CD226: variants seen among roughly 807,000 people sequenced by gnomAD.
The protein encoded by CD226 is CD226 molecule, also known as CD226 antigen.
CD226 carries 24 observed loss-of-function variants against 34.9 expected under a neutral mutation model. That is an observed-to-expected ratio of 0.69 (90% confidence interval 0.50 to 0.97). The LOEUF (loss-of-function observed/expected upper bound fraction) is 0.97, where lower values mean the gene tolerates loss of function less well. Ranked by LOEUF, CD226 falls within the 50% of genes least tolerant of loss-of-function variation. The probability of loss-of-function intolerance (pLI) is 0.00; values close to 1 mark genes in which losing one functional copy is unlikely to be tolerated. For synonymous variants in CD226, 148 were observed against 147.4 expected, an observed-to-expected ratio of 1.00 and a Z score of -0.03; for missense variants, 397 against 412.7, an observed-to-expected ratio of 0.96 and a Z score of 0.33.
At chr18:69,897,010 T>C (rs936959400) in intron 2 of CD226, among the ~76,000 whole-genome samples, 5 of 152,158 alleles carry the variant, frequency 3.3e-5, no homozygotes, top group African/African-American at 4.8e-5. Context: ...TAGAGTGTGT[T>C]TGGGGGCCCT....
chr18:69,916,781 C>T (rs1298394257), intron 2 of CD226, among the ~76,000 whole-genome samples: 1 of 152,204 alleles, frequency 6.6e-6, no homozygotes, highest in African/African-American at 2.4e-5. Context: ...ACCCAATGGG[C>T]ACTCATTATA....
At chr18:69,872,510 T>C (rs1218844451) in intron 4 of CD226, among the ~76,000 whole-genome samples, 1 of 152,206 alleles carries the variant, frequency 6.6e-6, no homozygotes, top group East Asian at 1.9e-4. Flanking sequence ...CTCAGCCTCC[T>C]GAGTAGCTGG....
At position 69,883,483 on chromosome 18, in the gene CD226, C is replaced by T. The variant is rs560437243; in HGVS notation, c.728-10237G>A. 1.7e-3 allele frequency among the ~76,000 whole-genome samples: 265 copies of T among 152,234 alleles called. 1 individual carries two copies. The highest frequency in any genetic ancestry group is 2.6e-3 in the Non-Finnish European group (174 of 68,020). On this transcript the variant is annotated intron_variant, in intron 3 of 5. Coordinates refer to ENST00000582621, the MANE Select transcript of CD226 (RefSeq NM_001303618.2). ...TTATATCCCACCACATAGAGCAAAG[C>T]GCAAGACTTGGTGCTCAGAGGACAC... is the stretch of plus-strand genomic sequence containing the variant.
At chr18:69,948,628 G>A (rs1196139004), upstream of CD226, among the ~76,000 whole-genome samples, 1 of 152,170 alleles carries the variant, frequency 6.6e-6, no homozygotes, top group Non-Finnish European at 1.5e-5. Context: ...CAAGCATGGT[G>A]TCACCTTGTG....
chr18:69,934,070 G>A (rs553490415), intron 2 of CD226, among the ~76,000 whole-genome samples: 1 of 152,196 alleles, frequency 6.6e-6, no homozygotes, highest in Admixed American at 6.5e-5. Flanking sequence ...ATCTCTTTTG[G>A]AGACATATAC....
chr18:69,892,441 C>G (rs1019272314), intron 3 of CD226, among the ~76,000 whole-genome samples: 4 of 152,182 alleles, frequency 2.6e-5, no homozygotes, highest in African/African-American at 9.7e-5. Context: ...CTGTGCTCCC[C>G]CCGTCCCCAC....
rs1261100162 is a variant in CD226 at position 69,859,178 on chromosome 18, TGAAG to T, written c.*5132_*5135del. 3 of 152,186 alleles carry T rather than the reference TGAAG, an allele frequency of 2.0e-5. No homozygotes were observed. Among genetic ancestry groups the T allele is most frequent in the African/African-American group, 7.2e-5 (3 of 41,456 alleles). 9.4% of individuals were successfully genotyped at this position (152,186 alleles called of 1,614,324 possible). ...ATGTATTCCTCCCCCTTTTTCTGGA[TGAAG>T]GGAGACACCAGGATGGCAGTTGTGT... On this transcript the variant is annotated 3_prime_UTR_variant, in exon 6 of 6. Transcript: ENST00000582621.
intron 3 of CD226, among the ~76,000 whole-genome samples, chr18:69,882,606 T>C (rs1057198802): frequency 6.6e-6 from 1 of 152,246 alleles, no homozygotes; most frequent in African/African-American, 2.4e-5. Context: ...CTGAGTCTTA[T>C]ACTTCTTGCA....
intron 2 of CD226, among the ~76,000 whole-genome samples, chr18:69,941,707 G>T (rs1020528573): frequency 5.9e-5 from 9 of 152,200 alleles, no homozygotes; most frequent in South Asian, 2.1e-4. Flanking sequence ...TACTTGCCTT[G>T]TCTCAGATGA....
At chr18:69,889,045 G>T (rs1405642998) in intron 3 of CD226, among the ~76,000 whole-genome samples, 1 of 151,538 alleles carries the variant, frequency 6.6e-6, no homozygotes, top group Non-Finnish European at 1.5e-5. Context: ...GAATGCAATA[G>T]ATCATTAAAA....
intron 2 of CD226, among the ~76,000 whole-genome samples, chr18:69,928,335 C>T (rs918408528): frequency 6.6e-6 from 1 of 152,136 alleles, no homozygotes; most frequent in Non-Finnish European, 1.5e-5. Flanking sequence ...CTCCTAAGGG[C>T]AAAGCTCTGT....
At chr18:69,920,409 C>T (rs1302552216) in intron 2 of CD226, among the ~76,000 whole-genome samples, 1 of 152,126 alleles carries the variant, frequency 6.6e-6, no homozygotes, top group African/African-American at 2.4e-5. Flanking sequence ...AAAAACAATG[C>T]TTCATGGAGT....
intron 2 of CD226, among the ~76,000 whole-genome samples, chr18:69,906,054 T>C (rs1242404951): frequency 2.6e-5 from 4 of 152,352 alleles, no homozygotes; most frequent in Non-Finnish European, 5.9e-5. Context: ...ATGTCACTAT[T>C]TTAGTATCTA....
At chr18:69,865,389 GTCT>G (rs1983077441) in intron 5 of CD226, among the ~76,000 whole-genome samples, 1 of 151,424 alleles carries the variant, frequency 6.6e-6, no homozygotes, top group African/African-American at 2.4e-5. Context: ...TAGTTCTAAT[GTCT>G]TTTTTTGACA....
intron 3 of CD226, 46 bp from the exon 4 acceptor site, chr18:69,873,292 G>A (rs1282244929): frequency 9.8e-7 from 1 of 1,017,936 alleles, no homozygotes; most frequent in South Asian, 1.4e-5. Flanking sequence ...TTCAGCCAAA[G>A]GCAGTAAAAA....
At chr18:69,919,222 G>A (rs2055421940) in intron 2 of CD226, among the ~76,000 whole-genome samples, 1 of 152,172 alleles carries the variant, frequency 6.6e-6, no homozygotes, top group African/African-American at 2.4e-5. Flanking sequence ...CGTTTCTCAA[G>A]GATAACCAAG....
intron 3 of CD226, among the ~76,000 whole-genome samples, chr18:69,873,457 T>C (rs987769672): frequency 1.3e-5 from 2 of 152,134 alleles, no homozygotes; most frequent in African/African-American, 4.8e-5. Flanking sequence ...TATTTGTTTT[T>C]TGATTAAGCT....
rs538978165 is a variant in CD226 at position 69,855,232 on chromosome 18, G to A, written c.*9082C>T. On this transcript the variant is annotated 3_prime_UTR_variant, in exon 6 of 6. Transcript: ENST00000582621. The stretch of plus-strand genomic sequence containing the variant: ...GACACGTGTCAGAATTATCAGACAT[G>A]GAACTTATCATTAATATGTTAAGAG... The A allele has an allele frequency of 5.6e-4, 85 of 151,998 alleles. No individual in the cohort carries two copies. Among genetic ancestry groups the A allele is most frequent in the African/African-American group, 2.0e-3 (81 of 41,446 alleles). 9.4% of individuals were successfully genotyped at this position (151,998 alleles called of 1,614,324 possible). A position where few individuals can be genotyped will look rare whatever the true frequency, so the allele number is the denominator to read the frequency against.
chr18:69,911,380 A>G (rs2055322490), intron 2 of CD226, among the ~76,000 whole-genome samples: 2 of 152,214 alleles, frequency 1.3e-5, no homozygotes, highest in East Asian at 3.8e-4. Flanking sequence ...TTGAGCTATT[A>G]AAAGTCTATT....
Sources: allele counts gnomAD v4.1 joint callset (sites outside exome capture counted in the v4.1 genomes callset), GRCh38; gene constraint gnomAD v4.1.1; transcripts MANE v1.5; gene names NCBI Gene and HGNC (gene_info 2026-07-23, HGNC 2026-07-21).